The following CFAP57 variants were observed in gnomAD, a reference collection of about 807,000 sequenced individuals.
CFAP57 encodes the protein cilia- and flagella-associated protein 57.
CFAP57 carries 116 observed loss-of-function variants against 146.8 expected under a neutral mutation model. The observed-to-expected ratio is 0.79, with a 90% CI of 0.68 to 0.92. The LOEUF (loss-of-function observed/expected upper bound fraction) is 0.92. Ranked by LOEUF, CFAP57 falls within the 40% of genes least tolerant of loss-of-function variation. CFAP57 has a pLI of 0.00. For missense variants in CFAP57, 1,377 were observed against 1,527.2 expected, an observed-to-expected ratio of 0.90 and a Z score of 1.64; for synonymous variants, 518 against 552.8, an observed-to-expected ratio of 0.94 and a Z score of 0.88.
chr1:43,224,901 C>T (rs75987772), intron 17 of CFAP57, among the ~76,000 whole-genome samples: 6,924 of 152,238 alleles, frequency 0.045, 241 homozygotes, highest in African/African-American at 0.099. Context: ...TTGACCATTG[C>T]ACCTCGAGCA....
rs199904837 is a variant in CFAP57 at position 43,210,107 on chromosome 1, A to T, written c.1929+191A>T. On this transcript the variant is annotated intron_variant, in intron 11 of 22. Transcript: ENST00000372492. ...TAAACTACTTCCAGGAATTTAGCCTAGGAAATCATCAGAGATACACCTAAA... is the reference window on the plus strand; with the variant it reads ...TAAACTACTTCCAGGAATTTAGCCTTGGAAATCATCAGAGATACACCTAAA... 689 of 1,612,664 alleles carry T rather than the reference A, an allele frequency of 4.3e-4. 3 individuals are homozygous for T. In the East Asian group the frequency reaches 0.014, roughly 32 times the overall value.
At chr1:43,207,545 G>C (rs681703) in intron 10 of CFAP57, among the ~76,000 whole-genome samples, 4 of 152,142 alleles carry the variant, frequency 2.6e-5, no homozygotes, top group Non-Finnish European at 5.9e-5. Context: ...AATACACTCC[G>C]TGATGTTTGC....
intron 21 of CFAP57, among the ~76,000 whole-genome samples, chr1:43,242,734 C>T (rs1570340345): frequency 1.3e-5 from 2 of 152,256 alleles, no homozygotes; most frequent in Middle Eastern, 6.8e-3. Context: ...AATCCTGACT[C>T]TACCACTTGC....
At chr1:43,204,572 T>C (rs966754772) in intron 9 of CFAP57, among the ~76,000 whole-genome samples, 12 of 152,192 alleles carry the variant, frequency 7.9e-5, no homozygotes, top group Admixed American at 7.9e-4. Flanking sequence ...GTTTCCCCTG[T>C]AGTGAGCAGT....
chr1:43,201,993 C>T lies in CFAP57; in HGVS notation c.1542+2490C>T, dbSNP rs953156374. 1.3e-5 allele frequency among the ~76,000 whole-genome samples: 2 copies of T among 152,050 alleles called. No homozygotes were observed. Among genetic ancestry groups the T allele is most frequent in the Non-Finnish European group, 2.9e-5 (2 of 68,022 alleles). Reference sequence around the variant, plus strand: ...TAGTCTTCAAGTGACTGTGGAGATGCGGATGAAAGTACAGAAAGTGATTCT... The same window carrying T: ...TAGTCTTCAAGTGACTGTGGAGATGTGGATGAAAGTACAGAAAGTGATTCT... On this transcript the variant is annotated intron_variant, in intron 9 of 22. Coordinates refer to ENST00000372492, the MANE Select transcript of CFAP57 (RefSeq NM_001378189.1). This position sits in a 1 kb window ranked among gnomAD's most constrained non-coding sequence, Gnocchi z 4.4.
At chr1:43,212,873 T>G (rs1165562928) in intron 11 of CFAP57, among the ~76,000 whole-genome samples, 1 of 148,178 alleles carries the variant, frequency 6.7e-6, no homozygotes. Flanking sequence ...AGCAGAGATT[T>G]CAGTGAGCTG....
In CFAP57 at chr1:43,221,408, C is replaced by T; in HGVS notation, c.2284C>T (p.His762Tyr). 6.5e-7 allele frequency: 1 copy of T among 1,543,948 alleles called. No individual in the cohort carries two copies. The highest frequency in any genetic ancestry group is 8.7e-7 in the Non-Finnish European group (1 of 1,143,348). ...RTEKEKQDVY[H>Y]HEHIEDLLDK... ...AGAAAAAGAGAAGCAGGATGTTTAT[C>T]ACCATGAGCACATAGAAGACCTCCT... The change falls in exon 14 of 23, where the codon CAC becomes TAC. Residue 762 changes from histidine (H) to tyrosine (Y), a missense_variant. Coordinates refer to ENST00000372492, the MANE Select transcript of CFAP57 (RefSeq NM_001378189.1).
At chr1:43,183,287 T>G (rs1486030329) in intron 3 of CFAP57, among the ~76,000 whole-genome samples, 1 of 152,252 alleles carries the variant, frequency 6.6e-6, no homozygotes, top group Non-Finnish European at 1.5e-5. Flanking sequence ...TCTTTTTCTG[T>G]GTTTCCAGCT....
At chr1:43,208,385 G>C (rs1644446627) in intron 10 of CFAP57, among the ~76,000 whole-genome samples, 1 of 152,154 alleles carries the variant, frequency 6.6e-6, no homozygotes, top group Non-Finnish European at 1.5e-5. Flanking sequence ...CAATAGCAAA[G>C]ACTTGGAACC....
rs1034608368 is a variant in CFAP57 at position 43,191,386 on chromosome 1, G to C, written c.1122+4527G>C. The stretch of plus-strand genomic sequence containing the variant: ...GCAGGTCACGAGCTCAGGAGATTGA[G>C]ACCATCCTGGCTAACACAGTGAAAC... On this transcript the variant is annotated intron_variant, in intron 6 of 22. Coordinates refer to ENST00000372492, the MANE Select transcript of CFAP57 (RefSeq NM_001378189.1). 2.6e-5 allele frequency among the ~76,000 whole-genome samples: 4 copies of C among 152,070 alleles called. No homozygotes were observed. In the South Asian group the frequency reaches 8.3e-4, roughly 31 times the overall value.
At chr1:43,184,740 C>CTTTTTTTTT (rs57644418) in intron 4 of CFAP57, 3 of 101,324 alleles carry the variant, frequency 3.0e-5, no homozygotes, top group Non-Finnish European at 5.3e-5. Context: ...ATGGCATATC[C>CTTTTTTTTT]TTTTTTTTTT....
At chr1:43,178,170 G>A (rs1645244875) in intron 2 of CFAP57, among the ~76,000 whole-genome samples, 1 of 152,124 alleles carries the variant, frequency 6.6e-6, no homozygotes. Context: ...TGTTAGACCT[G>A]AAACCATAAA....
At chr1:43,207,370 G>A (rs1644402066) in intron 10 of CFAP57, among the ~76,000 whole-genome samples, 1 of 152,160 alleles carries the variant, frequency 6.6e-6, no homozygotes, top group Non-Finnish European at 1.5e-5. Context: ...AATGCCAAAT[G>A]TTCACTGTAC....
intron 22 of CFAP57, among the ~76,000 whole-genome samples, chr1:43,252,802 A>G (rs1374439258): frequency 6.6e-6 from 1 of 152,242 alleles, no homozygotes; most frequent in African/African-American, 2.4e-5. Context: ...ATACTTCTAG[A>G]AATGAAAACT....
chr1:43,229,945 C>CT (rs1361978765), intron 18 of CFAP57, among the ~76,000 whole-genome samples: 1 of 152,192 alleles, frequency 6.6e-6, no homozygotes, highest in African/African-American at 2.4e-5. Flanking sequence ...TTGAGAATCT[C>CT]TGAGTGTGAT....
In CFAP57 at chr1:43,211,132, A is replaced by C. The variant is rs117860576; in HGVS notation, c.1929+1216A>C. Among the ~76,000 whole-genome samples, 14 of 152,314 alleles carry C rather than the reference A, an allele frequency of 9.2e-5. No homozygotes were observed. The East Asian group carries it at 2.5e-3, about 27-fold the overall frequency. Reference sequence around the variant, plus strand: ...CTGTATTAAGAAAAGGTTTCTCATTATAAAACAGAACATTTCTGTACCAAG... The same window carrying C: ...CTGTATTAAGAAAAGGTTTCTCATTCTAAAACAGAACATTTCTGTACCAAG... On this transcript the variant is annotated intron_variant, in intron 11 of 22. Transcript: ENST00000372492.
At chr1:43,192,027 C>T (rs1488771211) in intron 6 of CFAP57, among the ~76,000 whole-genome samples, 1 of 151,570 alleles carries the variant, frequency 6.6e-6, no homozygotes, top group Admixed American at 6.6e-5. Context: ...TAAATTTCTG[C>T]TTATTTGTGA....
intron 12 of CFAP57, among the ~76,000 whole-genome samples, chr1:43,218,473 T>C (rs567004755): frequency 1.3e-5 from 2 of 151,840 alleles, no homozygotes; most frequent in South Asian, 4.2e-4. Context: ...CCAGGTGTGG[T>C]GGGGCATGCC....
intron 7 of CFAP57, among the ~76,000 whole-genome samples, 199 bp downstream of exon 7, chr1:43,197,891 T>A (rs575714629): frequency 6.6e-6 from 1 of 152,372 alleles, no homozygotes; most frequent in East Asian, 1.9e-4. Context: ...GTTTATTTAA[T>A]GCTTACCACA....
Sources: allele counts gnomAD v4.1 joint callset (sites outside exome capture counted in the v4.1 genomes callset), GRCh38; gene constraint gnomAD v4.1.1; non-coding constraint Gnocchi (gnomAD v3.1); transcripts MANE v1.5; gene names NCBI Gene and HGNC (gene_info 2026-07-23, HGNC 2026-07-21).